KLRD1: variants seen among roughly 807,000 people sequenced by gnomAD.
KLRD1 encodes the protein killer cell lectin like receptor D1.
KLRD1 carries 21 observed loss-of-function variants against 22.6 expected under a neutral mutation model. The observed-to-expected ratio is 0.93, with a 90% CI of 0.66 to 1.34. KLRD1 has a LOEUF of 1.34. Among genes scored for constraint, KLRD1 ranks in the 40% most tolerant of loss-of-function variants. The pLI, the probability that KLRD1 is intolerant of heterozygous loss-of-function variation, is 0.00. For missense variants in KLRD1, 183 were observed against 208.6 expected (o/e 0.88, Z 0.76); for synonymous variants, 59 against 71.1 (o/e 0.83, Z 0.85).
At chr12:10,309,237 C>G in intron 1 of KLRD1, 151 bp from the exon 2 acceptor site, 1 of 550,708 alleles carries the variant, frequency 1.8e-6, no homozygotes. Flanking sequence ...GGTGAAGTCC[C>G]GATTGGAAAG....
chr12:10,308,040 C>T lies in KLRD1; in HGVS notation c.-38C>T, dbSNP rs574693248. 1.1e-5 allele frequency: 18 copies of T among 1,598,700 alleles called. No homozygotes were observed. In the South Asian group the frequency reaches 1.4e-4, roughly 13 times the overall value. On this transcript the variant is annotated 5_prime_UTR_variant, in exon 1 of 6. Coordinates refer to ENST00000336164, the MANE Select transcript of KLRD1 (RefSeq NM_002262.5). ...CTGTTCTTTCTGAAAAAGTACACATCGTGCCTTCTCTACTTCGCTCTTGGA... is the reference window on the plus strand; with the variant it reads ...CTGTTCTTTCTGAAAAAGTACACATTGTGCCTTCTCTACTTCGCTCTTGGA...
intron 1 of KLRD1, among the ~76,000 whole-genome samples, chr12:10,249,368 C>A (rs950886102): frequency 6.6e-6 from 1 of 152,148 alleles, no homozygotes; most frequent in African/African-American, 2.4e-5. Flanking sequence ...ACAGAAGAAA[C>A]AATAACAACA....
At chr12:10,251,665 A>T (rs111429859) in intron 1 of KLRD1, among the ~76,000 whole-genome samples, 2,303 of 150,942 alleles carry the variant, frequency 0.015, 54 homozygotes, top group African/African-American at 0.054. Context: ...AATCAGTGGG[A>T]GCCCTGAGCT....
In KLRD1 at chr12:10,327,104, TTTC is replaced by T. The variant is rs1950368448; in HGVS notation, c.*12314_*12316del. On this transcript the variant is annotated 3_prime_UTR_variant, in exon 6 of 6. Coordinates refer to ENST00000336164, the MANE Select transcript of KLRD1 (RefSeq NM_002262.5). ...TTTGCATATGGTGTAAGATAAGCAA[TTTC>T]TTTGCAATATGGATGTTCATTTTTC... is the stretch of plus-strand genomic sequence containing the variant. The T allele has an allele frequency of 6.6e-6, 1 of 152,212 alleles. No homozygotes were observed. Among genetic ancestry groups the T allele is most frequent in the African/African-American group, 2.4e-5 (1 of 41,466 alleles). 9.4% of individuals were successfully genotyped at this position (152,212 alleles called of 1,614,324 possible). A position where few individuals can be genotyped will look rare whatever the true frequency, so the allele number is the denominator to read the frequency against.
rs1417815469 is a variant in KLRD1 at position 10,319,037 on chromosome 12, G to A, written c.*4244G>A. ...TATAGCATATATTTTCAACTTTGTG[G>A]ACCAGTCTCTGTTGAAACTTCTCAA... is the stretch of plus-strand genomic sequence containing the variant. On this transcript the variant is annotated 3_prime_UTR_variant, in exon 6 of 6. Coordinates refer to ENST00000336164, the MANE Select transcript of KLRD1 (RefSeq NM_002262.5). 1.3e-5 allele frequency: 2 copies of A among 151,980 alleles called. No individual in the cohort carries two copies. Among genetic ancestry groups the A allele is most frequent in the Non-Finnish European group, 2.9e-5 (2 of 68,008 alleles). The allele number at this position is 151,980 out of a possible 1,614,324, so 9.4% of individuals were successfully genotyped here. A position where few individuals can be genotyped will look rare whatever the true frequency, so the allele number is the denominator to read the frequency against.
chr12:10,314,628 C>T (rs374298559), intron 5 of KLRD1, 45 bp from the exon 6 acceptor site: 103 of 1,489,648 alleles, frequency 6.9e-5, no homozygotes, highest in Middle Eastern at 2.2e-4. Flanking sequence ...CCTGAACATT[C>T]TTACTTCCTT....
intron 4 of KLRD1, among the ~76,000 whole-genome samples, chr12:10,313,144 C>T (rs1950136502): frequency 6.6e-6 from 1 of 152,020 alleles, no homozygotes. Context: ...AGAAAGTGTT[C>T]CATGAAAACT....
chr12:10,256,210 A>G (rs1363137528), intron 1 of KLRD1, among the ~76,000 whole-genome samples: 1 of 151,914 alleles, frequency 6.6e-6, no homozygotes, highest in Non-Finnish European at 1.5e-5. Context: ...TCAGGTCTGA[A>G]GTGAGTCTTT....
Position 10,314,993 on chromosome 12 carries a change from A to G in KLRD1, c.*200A>G. On this transcript the variant is annotated 3_prime_UTR_variant, in exon 6 of 6. Transcript: ENST00000336164. ...TCGTTCACCTACATTTGAGAATTAT[A>G]AAATTAACATAAAGAATTTTGTATT... 2.4e-6 allele frequency: 1 copy of G among 412,222 alleles called. No individual in the cohort carries two copies. Among genetic ancestry groups the G allele is most frequent in the Non-Finnish European group, 4.2e-6 (1 of 236,556 alleles). The allele number at this position is 412,222 out of a possible 1,614,324, so 25.5% of individuals were successfully genotyped here. A position where few individuals can be genotyped will look rare whatever the true frequency, so the allele number is the denominator to read the frequency against.
rs1949964997 is a variant in KLRD1, at chr12:10,308,070, A to G, written c.-8A>G. The G allele has an allele frequency of 6.2e-7, 1 of 1,612,152 alleles. No homozygotes were observed. Among genetic ancestry groups the G allele is most frequent in the African/African-American group, 1.3e-5 (1 of 74,882 alleles). ...CTTCTCTACTTCGCTCTTGGAACAT[A>G]ATTTCTCATGGCAGGTATGTGTGAT... On this transcript the variant is annotated 5_prime_UTR_variant, in exon 1 of 6. The change creates a new upstream start codon in the 5' untranslated region. Transcript: ENST00000336164.
chr12:10,323,814 T>C lies in KLRD1; in HGVS notation c.*9021T>C, dbSNP rs1950333194. 6.6e-6 allele frequency: 1 copy of C among 151,862 alleles called. No homozygotes were observed. The highest frequency in any genetic ancestry group is 2.4e-5 in the African/African-American group (1 of 41,398). The allele number at this position is 151,862 out of a possible 1,614,324, so 9.4% of individuals were successfully genotyped here. A position where few individuals can be genotyped will look rare whatever the true frequency, so the allele number is the denominator to read the frequency against. On this transcript the variant is annotated 3_prime_UTR_variant, in exon 6 of 6. Coordinates refer to ENST00000336164, the MANE Select transcript of KLRD1 (RefSeq NM_002262.5). ...TCATAATAGTTTTTATACTCATCTA[T>C]GTTGATACATGTATCAATAGTTAAT...
intron 3 of KLRD1, among the ~76,000 whole-genome samples, chr12:10,310,883 C>T (rs556056395): frequency 2.0e-5 from 3 of 152,204 alleles, no homozygotes; most frequent in Admixed American, 6.5e-5. Context: ...TTTTTATTAC[C>T]GTGGGTAACA....
At chr12:10,281,567 G>A (rs180951316) in intron 1 of KLRD1, among the ~76,000 whole-genome samples, 13 of 152,190 alleles carry the variant, frequency 8.5e-5, no homozygotes, top group African/African-American at 2.2e-4. Flanking sequence ...GCAGGGCTCC[G>A]CAGGGATGTA....
intron 1 of KLRD1, among the ~76,000 whole-genome samples, chr12:10,293,173 T>TATATATATATACATAC: frequency 5.8e-5 from 1 of 17,378 alleles, no homozygotes; most frequent in East Asian, 8.5e-4. Flanking sequence ...TATATACACA[T>TATATATATATACATAC]ATACACATAA....
intron 1 of KLRD1, among the ~76,000 whole-genome samples, chr12:10,247,272 A>G (rs1023832340): frequency 6.6e-6 from 1 of 152,064 alleles, no homozygotes; most frequent in Non-Finnish European, 1.5e-5. Context: ...TTTAACCTTT[A>G]TCATACTGTC....
intron 1 of KLRD1, among the ~76,000 whole-genome samples, chr12:10,296,557 C>T (rs1271268397): frequency 2.0e-5 from 3 of 151,356 alleles, no homozygotes. Context: ...CACACAAAAA[C>T]ATACAAAGGA....
At chr12:10,244,275 A>G (rs1183074797) in intron 1 of KLRD1, among the ~76,000 whole-genome samples, 1 of 152,194 alleles carries the variant, frequency 6.6e-6, no homozygotes, top group Non-Finnish European at 1.5e-5. Context: ...ACGCCTAAAC[A>G]GAGCTCAGGG....
intron 1 of KLRD1, among the ~76,000 whole-genome samples, chr12:10,244,031 G>A (rs1949267312): frequency 6.6e-6 from 1 of 152,134 alleles, no homozygotes; most frequent in South Asian, 2.1e-4. Context: ...TTTCAGTGGT[G>A]AGCAGTTCGT....
rs1360281224 is a variant in KLRD1 at position 10,321,036 on chromosome 12, TC to T, written c.*6244del. On this transcript the variant is annotated 3_prime_UTR_variant, in exon 6 of 6. Transcript: ENST00000336164. ...CCTTTTATTCAAAAGTAAGAATAAT[TC>T]AAAGGACAGAACTAAGAGCCTGTAA... The T allele has an allele frequency of 6.6e-6, 1 of 152,188 alleles. No individual in the cohort carries two copies. The highest frequency in any genetic ancestry group is 1.5e-5 in the Non-Finnish European group (1 of 68,026). 9.4% of individuals were successfully genotyped at this position (152,188 alleles called of 1,614,324 possible).
Sources: allele counts gnomAD v4.1 joint callset (sites outside exome capture counted in the v4.1 genomes callset), GRCh38; gene constraint gnomAD v4.1.1; transcripts MANE v1.5; gene names NCBI Gene and HGNC (gene_info 2026-07-23, HGNC 2026-07-21).